The following CCDC178 variants were observed in gnomAD, a reference collection of about 807,000 sequenced individuals.
CCDC178 encodes the protein coiled-coil domain containing 178.
In CCDC178, 126 loss-of-function variants were observed where a neutral mutation model predicts 117.4. The ratio of observed to expected loss-of-function variants is 1.07; its 90% CI spans 0.93 to 1.24. The LOEUF (loss-of-function observed/expected upper bound fraction) is 1.24. Among genes scored for constraint, CCDC178 ranks in the 50% most tolerant of loss-of-function variants. The pLI is 0.00. For missense variants in CCDC178, 1,030 were observed against 986.9 expected (o/e 1.04, Z -0.59); for synonymous variants, 283 against 313.4 (o/e 0.90, Z 1.02).
At chr18:33,211,585 T>A (rs1453377569) in intron 20 of CCDC178, among the ~76,000 whole-genome samples, 1 of 151,566 alleles carries the variant, frequency 6.6e-6, no homozygotes, top group Non-Finnish European at 1.5e-5. Flanking sequence ...CATTCTCACA[T>A]CCTTCATTAA....
At chr18:33,076,314 C>T (rs1192148823) in intron 21 of CCDC178, among the ~76,000 whole-genome samples, 1 of 152,158 alleles carries the variant, frequency 6.6e-6, no homozygotes, top group Non-Finnish European at 1.5e-5. Flanking sequence ...ATCCCATCCA[C>T]GTTAGCAGAC....
intron 21 of CCDC178, among the ~76,000 whole-genome samples, chr18:33,004,149 T>C (rs2055702113): frequency 6.6e-6 from 1 of 152,006 alleles, no homozygotes; most frequent in Admixed American, 6.6e-5. Flanking sequence ...ACGAATGACA[T>C]CTTCACAGAA....
At chr18:33,074,649 T>A (rs907718577) in intron 21 of CCDC178, among the ~76,000 whole-genome samples, 9 of 152,052 alleles carry the variant, frequency 5.9e-5, no homozygotes, top group Admixed American at 5.2e-4. Context: ...AAATAGGAAG[T>A]CATGGTGTCA....
intron 20 of CCDC178, among the ~76,000 whole-genome samples, chr18:33,147,356 ATTT>A (rs575608507): frequency 1.1e-5 from 1 of 94,638 alleles, no homozygotes; most frequent in African/African-American, 4.7e-5. Context: ...TGCCTTTTTA[ATTT>A]TTTTTTTTTT....
chr18:33,408,563 T>A (rs1375474099), intron 3 of CCDC178, among the ~76,000 whole-genome samples: 1 of 151,946 alleles, frequency 6.6e-6, no homozygotes, highest in Non-Finnish European at 1.5e-5. Flanking sequence ...AAGAGATGAG[T>A]GAACACCAGG....
At chr18:32,970,202 A>T (rs1231478483) in intron 22 of CCDC178, among the ~76,000 whole-genome samples, 1 of 151,896 alleles carries the variant, frequency 6.6e-6, no homozygotes, top group Non-Finnish European at 1.5e-5. Context: ...TTTCTGCTTG[A>T]TCATGTAATT....
intron 22 of CCDC178, among the ~76,000 whole-genome samples, chr18:32,955,365 G>A (rs1307825256): frequency 6.6e-6 from 1 of 152,250 alleles, no homozygotes; most frequent in South Asian, 2.1e-4. Context: ...CCAGTAATGT[G>A]TAGATTTCTT....
At chr18:33,382,765 G>T (rs2063452181) in intron 5 of CCDC178, among the ~76,000 whole-genome samples, 1 of 152,148 alleles carries the variant, frequency 6.6e-6, no homozygotes, top group South Asian at 2.1e-4. Flanking sequence ...GGCAGGCACT[G>T]GGCTGCAGGA....
intron 21 of CCDC178, among the ~76,000 whole-genome samples, chr18:32,993,309 G>T (rs570996767): frequency 6.6e-6 from 1 of 152,128 alleles, no homozygotes; most frequent in South Asian, 2.1e-4. Flanking sequence ...TCCATAAGAC[G>T]TGCCCATCAG....
At chr18:32,966,253 G>A (rs2054811113) in intron 22 of CCDC178, among the ~76,000 whole-genome samples, 1 of 151,646 alleles carries the variant, frequency 6.6e-6, no homozygotes, top group Non-Finnish European at 1.5e-5. Flanking sequence ...TAAAGTCTAA[G>A]TATTTGTGGG....
intron 2 of CCDC178, among the ~76,000 whole-genome samples, chr18:33,418,048 A>G (rs1262622796): frequency 1.3e-5 from 2 of 152,148 alleles, no homozygotes; most frequent in Non-Finnish European, 2.9e-5. Context: ...TGAAAAAGGA[A>G]AATTTCAGGC....
intron 22 of CCDC178, among the ~76,000 whole-genome samples, chr18:32,948,048 A>G (rs1024695938): frequency 4.0e-4 from 61 of 152,040 alleles, no homozygotes; most frequent in Middle Eastern, 3.2e-3. Context: ...ATTTTGTTCT[A>G]TTCATCTATT....
intron 5 of CCDC178, among the ~76,000 whole-genome samples, chr18:33,387,669 T>C (rs1384183037): frequency 1.3e-5 from 2 of 152,176 alleles, no homozygotes; most frequent in East Asian, 1.9e-4. Context: ...TGCAGAAAAC[T>C]GAGACTGGAT....
At chr18:33,414,466 A>G (rs527365183) in intron 2 of CCDC178, among the ~76,000 whole-genome samples, 1 of 152,370 alleles carries the variant, frequency 6.6e-6, no homozygotes, top group African/African-American at 2.4e-5. Context: ...TCCCTATTTA[A>G]TAAACAGTGC....
chr18:33,277,363 C>T (rs1377688018), intron 12 of CCDC178, among the ~76,000 whole-genome samples: 2 of 152,100 alleles, frequency 1.3e-5, no homozygotes, highest in East Asian at 3.8e-4. Context: ...TTTACGAATA[C>T]ACTTTTCAAA....
intron 21 of CCDC178, among the ~76,000 whole-genome samples, chr18:33,027,139 G>A (rs1438826746): frequency 6.6e-6 from 1 of 151,694 alleles, no homozygotes; most frequent in Non-Finnish European, 1.5e-5. Context: ...GCTTTGTTGG[G>A]GGAAGTGGTA....
chr18:33,250,780 A>G (rs1465787748), intron 14 of CCDC178, among the ~76,000 whole-genome samples: 2 of 151,562 alleles, frequency 1.3e-5, no homozygotes, highest in East Asian at 1.9e-4. Flanking sequence ...CCAAAACCCA[A>G]CAAGGATCAT....
chr18:33,054,596 T>C (rs1286067215), intron 21 of CCDC178, among the ~76,000 whole-genome samples: 1 of 152,246 alleles, frequency 6.6e-6, no homozygotes, highest in African/African-American at 2.4e-5. Context: ...GCAAAAGACA[T>C]GATCTCATTC....
At chr18:33,135,883 A>AT in intron 20 of CCDC178, 1 of 152,192 alleles carries the variant, frequency 6.6e-6, no homozygotes, top group East Asian at 1.9e-4. Context: ...ATAGACACAG[A>AT]TTCTTGTTTA....
Sources: gnomAD v4.1 joint callset for allele counts (sites outside exome capture counted in the v4.1 genomes callset) on GRCh38, gnomAD v4.1.1 for gene constraint, MANE v1.5 for transcripts, NCBI Gene and HGNC (gene_info 2026-07-23, HGNC 2026-07-21) for gene names.